The following SLC24A3 variants were observed in gnomAD, a reference collection of about 807,000 sequenced individuals.
SLC24A3 encodes sodium/potassium/calcium exchanger 3.
Under a neutral mutation model 75.8 loss-of-function variants are expected in SLC24A3, and 28 were observed. The observed-to-expected ratio is 0.37, with a 90% CI of 0.27 to 0.51. The LOEUF is 0.51. Among genes scored for constraint, SLC24A3 ranks in the 20% least tolerant of loss-of-function variants. The pLI is 0.94. For missense variants in SLC24A3, 663 were observed against 847.8 expected (o/e 0.78, Z 2.71); for synonymous variants, 372 against 334.1 (o/e 1.11, Z -1.24).
chr20:19,537,175 T>C (rs1173750575), intron 3 of SLC24A3, among the ~76,000 whole-genome samples: 5 of 149,152 alleles, frequency 3.4e-5, no homozygotes, highest in South Asian at 2.1e-4. Context: ...CAAACAAATT[T>C]ACAAGAAAAA....
At chr20:19,648,253 C>T (rs1468270629) in intron 6 of SLC24A3, among the ~76,000 whole-genome samples, 2 of 152,206 alleles carry the variant, frequency 1.3e-5, no homozygotes, top group Non-Finnish European at 2.9e-5. Context: ...CCCATCCTCA[C>T]TGCAGATCAG....
intron 3 of SLC24A3, among the ~76,000 whole-genome samples, chr20:19,522,395 A>T (rs6075523): frequency 6.6e-6 from 1 of 152,150 alleles, no homozygotes; most frequent in Admixed American, 6.5e-5. Context: ...AAACAAGGGA[A>T]GGATGAGATG....
At chr20:19,645,135 G>C (rs916292728) in intron 6 of SLC24A3, among the ~76,000 whole-genome samples, 5 of 152,146 alleles carry the variant, frequency 3.3e-5, no homozygotes, top group Non-Finnish European at 2.9e-5. Context: ...TGTTAATAAG[G>C]AAACACATAT....
At chr20:19,444,736 A>C (rs943389261) in intron 2 of SLC24A3, among the ~76,000 whole-genome samples, 5 of 151,990 alleles carry the variant, frequency 3.3e-5, no homozygotes, top group Non-Finnish European at 4.4e-5. Context: ...GGCTTGATCA[A>C]TTTTATTGTC....
At chr20:19,608,286 G>A (rs977520662) in intron 6 of SLC24A3, among the ~76,000 whole-genome samples, 1 of 152,202 alleles carries the variant, frequency 6.6e-6, no homozygotes, top group East Asian at 1.9e-4. Context: ...ATGATATGGA[G>A]TAAGAGTGTA....
intron 2 of SLC24A3, among the ~76,000 whole-genome samples, chr20:19,353,286 A>G (rs935813107): frequency 2.0e-5 from 3 of 152,204 alleles, no homozygotes; most frequent in African/African-American, 7.2e-5. Flanking sequence ...AAACAAGCCC[A>G]CAGTAGATTC....
intron 1 of SLC24A3, among the ~76,000 whole-genome samples, chr20:19,217,523 G>A (rs1035727946): frequency 6.6e-6 from 1 of 152,166 alleles, no homozygotes; most frequent in Non-Finnish European, 1.5e-5. Context: ...TATTTTAGCT[G>A]GTGTGGGGTC....
chr20:19,517,158 A>G (rs1056458651), intron 3 of SLC24A3, among the ~76,000 whole-genome samples: 6 of 152,126 alleles, frequency 3.9e-5, no homozygotes, highest in African/African-American at 1.2e-4. Flanking sequence ...ATTAATATGG[A>G]TGGCACCTTC....
rs371406586 is a variant in SLC24A3 at position 19,678,706 on chromosome 20, C to T, written c.768-3152C>T. Reference sequence around the variant, plus strand: ...GCGGAGACGCTCCTCACTTCCCAGACGGGGTGGCTGCCGGGCGGAGGGGCT... The same window carrying T: ...GCGGAGACGCTCCTCACTTCCCAGATGGGGTGGCTGCCGGGCGGAGGGGCT... On this transcript the variant is annotated intron_variant, in intron 9 of 16. Coordinates refer to ENST00000328041, the MANE Select transcript of SLC24A3 (RefSeq NM_020689.4). 2.5e-3 allele frequency among the ~76,000 whole-genome samples: 377 copies of T among 147,848 alleles called. 1 individual carries two copies. The highest frequency in any genetic ancestry group is 0.01 in the Admixed American group (155 of 15,010).
chr20:19,226,129 G>T (rs1032536039), intron 1 of SLC24A3, among the ~76,000 whole-genome samples: 1 of 152,126 alleles, frequency 6.6e-6, no homozygotes, highest in Non-Finnish European at 1.5e-5. Flanking sequence ...TTTATCAAGG[G>T]TGGATATTGG....
In SLC24A3 at chr20:19,698,671, C is replaced by T. The variant is rs138536226; in HGVS notation, c.1710C>T (p.Tyr570=). 4.4e-5 allele frequency: 69 copies of T among 1,577,466 alleles called. No homozygotes were observed. In the African/African-American group the frequency reaches 5.8e-4, roughly 13 times the overall value. ...PWALQTLAVD[Y]GSYIRLNSRG... is the part of the protein sequence containing the mutation. Reference sequence around the variant, plus strand: ...CTCTGCAGACCCTGGCTGTGGATTACGGATCCTACGTAAGTGGTTTTCTCC... The same window carrying T: ...CTCTGCAGACCCTGGCTGTGGATTATGGATCCTACGTAAGTGGTTTTCTCC... Residue 570 remains tyrosine, a synonymous_variant, in exon 15 of 17, where the codon TAC becomes TAT. Transcript: ENST00000328041.
At chr20:19,595,237 A>G (rs369478893) in intron 6 of SLC24A3, among the ~76,000 whole-genome samples, 3 of 152,148 alleles carry the variant, frequency 2.0e-5, no homozygotes, top group African/African-American at 7.2e-5. Context: ...TGAGGGAATC[A>G]CTGTGCTAGG....
chr20:19,402,410 CA>C (rs1374904997), intron 2 of SLC24A3, among the ~76,000 whole-genome samples: 1 of 152,046 alleles, frequency 6.6e-6, no homozygotes, highest in Non-Finnish European at 1.5e-5. Flanking sequence ...ACAAACAAAC[CA>C]GGGTCTCAGA....
chr20:19,630,239 C>T (rs76960336), intron 6 of SLC24A3, among the ~76,000 whole-genome samples: 6,753 of 152,194 alleles, frequency 0.044, 523 homozygotes, highest in African/African-American at 0.15. Context: ...CATTATACAA[C>T]GTTGGAAAAT....
intron 16 of SLC24A3, 93 bp downstream of exon 16, chr20:19,717,686 A>T: frequency 4.9e-6 from 7 of 1,426,122 alleles, no homozygotes; most frequent in Non-Finnish European, 6.9e-6. Context: ...TCTCCTGGTG[A>T]CTGGGTACAA....
chr20:19,643,047 T>C (rs982914858), intron 6 of SLC24A3, among the ~76,000 whole-genome samples: 8 of 152,208 alleles, frequency 5.3e-5, no homozygotes, highest in African/African-American at 1.9e-4. Context: ...TTACTTAAAA[T>C]AGATCGTCTG....
intron 3 of SLC24A3, among the ~76,000 whole-genome samples, chr20:19,572,551 G>A (rs752072399): frequency 6.6e-6 from 1 of 152,114 alleles, no homozygotes; most frequent in Non-Finnish European, 1.5e-5. Flanking sequence ...TCTTTGTGTG[G>A]TAAAATCAAA....
At chr20:19,667,855 A>G (rs2032417961) in intron 8 of SLC24A3, among the ~76,000 whole-genome samples, 1 of 152,198 alleles carries the variant, frequency 6.6e-6, no homozygotes, top group Admixed American at 6.5e-5. Flanking sequence ...AGGTAACCCC[A>G]TCCTAGGGTA....
At chr20:19,275,524 A>G (rs1403168151) in intron 1 of SLC24A3, among the ~76,000 whole-genome samples, 1 of 152,196 alleles carries the variant, frequency 6.6e-6, no homozygotes, top group Non-Finnish European at 1.5e-5. Context: ...CAAGGTTCAC[A>G]TAGGAGACAG....
Sources: gnomAD v4.1 joint callset for allele counts (sites outside exome capture counted in the v4.1 genomes callset) on GRCh38, gnomAD v4.1.1 for gene constraint, MANE v1.5 for transcripts, NCBI Gene and HGNC (gene_info 2026-07-23, HGNC 2026-07-21) for gene names.